Variants in RBBP8 observed in about 807,000 individuals in gnomAD.
RBBP8 encodes RB binding protein 8, endonuclease, also known as DNA endonuclease RBBP8.
RBBP8 carries 88 observed loss-of-function variants against 108.3 expected under a neutral mutation model. That is an observed-to-expected ratio of 0.81 (90% CI 0.68 to 0.97). RBBP8 has a LOEUF of 0.97. RBBP8 is among the 50% of genes least tolerant of loss of function. The probability of loss-of-function intolerance (pLI) is 0.00; values close to 1 mark genes in which losing one functional copy is unlikely to be tolerated. For synonymous variants in RBBP8, 332 were observed against 348.2 expected (o/e 0.95, Z 0.52); for missense variants, 1,023 against 1,049.0 (o/e 0.98, Z 0.34).
At chr18:22,965,008 T>A (rs965578) in intron 4 of RBBP8, among the ~76,000 whole-genome samples, 143,148 of 152,062 alleles carry the variant, frequency 0.94, 67,663 homozygotes, top group Non-Finnish European at 0.98. Flanking sequence ...ACATCATTTC[T>A]TTTTAACAGT....
chr18:22,960,627 G>A (rs540047418), intron 4 of RBBP8, among the ~76,000 whole-genome samples: 85 of 152,132 alleles, frequency 5.6e-4, no homozygotes, highest in African/African-American at 1.9e-3. Flanking sequence ...TGACAGTCTC[G>A]TTCAGTCATC....
rs541597721 is a variant in RBBP8 at position 22,948,989 on chromosome 18, A to G, written c.153-629A>G. Among the ~76,000 whole-genome samples the G allele has an allele frequency of 2.0e-5, 3 of 152,266 alleles. No individual in the cohort carries two copies. In the South Asian group the frequency reaches 6.2e-4, roughly 32 times the overall value. The stretch of plus-strand genomic sequence containing the variant: ...GTTTTTTTTCTCACTATAAAGTCAT[A>G]ATGGTAAACACTTAACATAAAGCCT... On this transcript the variant is annotated intron_variant, in intron 3 of 18. Transcript: ENST00000327155.
At chr18:22,988,709 G>A (rs1174600863) in intron 8 of RBBP8, among the ~76,000 whole-genome samples, 4 of 152,046 alleles carry the variant, frequency 2.6e-5, no homozygotes, top group Non-Finnish European at 4.4e-5. Flanking sequence ...CTACTGCTTA[G>A]CACAATACCT....
intron 8 of RBBP8, among the ~76,000 whole-genome samples, chr18:22,985,313 T>C (rs1236800607): frequency 6.6e-6 from 1 of 152,216 alleles, no homozygotes; most frequent in Non-Finnish European, 1.5e-5. Flanking sequence ...ATGGAGCTTA[T>C]GATCTAGTTG....
intron 6 of RBBP8, among the ~76,000 whole-genome samples, chr18:22,981,712 C>T (rs6507420): frequency 0.015 from 2,315 of 152,328 alleles, 57 homozygotes; most frequent in African/African-American, 0.052. Context: ...GCAGACAGAG[C>T]GGCTTGCCTG....
chr18:22,948,092 T>C (rs1911723315), intron 3 of RBBP8, among the ~76,000 whole-genome samples: 1 of 152,136 alleles, frequency 6.6e-6, no homozygotes, highest in Non-Finnish European at 1.5e-5. Context: ...AAATCTTCAA[T>C]GTGTGTGTAA....
chr18:22,929,339 A>G (rs1567939491), upstream of RBBP8: 1 of 151,170 alleles, frequency 6.6e-6, no homozygotes, highest in Non-Finnish European at 1.5e-5. Context: ...AATATACTGT[A>G]ATGGAGAACA....
At chr18:22,958,218 T>A (rs1290122792) in intron 4 of RBBP8, among the ~76,000 whole-genome samples, 1 of 152,240 alleles carries the variant, frequency 6.6e-6, no homozygotes, top group East Asian at 1.9e-4. Flanking sequence ...ATTCTAGAAG[T>A]TGGAAAATAG....
At chr18:22,960,739 A>G (rs763657069) in intron 4 of RBBP8, among the ~76,000 whole-genome samples, 1 of 152,214 alleles carries the variant, frequency 6.6e-6, no homozygotes, top group Non-Finnish European at 1.5e-5. Flanking sequence ...TGCCTGGCCT[A>G]TAAAAATTTT....
chr18:23,013,705 C>T (rs920534310), intron 16 of RBBP8, among the ~76,000 whole-genome samples: 1 of 152,134 alleles, frequency 6.6e-6, no homozygotes, highest in Non-Finnish European at 1.5e-5. Flanking sequence ...AACCTCGTGG[C>T]TAATTTGTTA....
intron 15 of RBBP8, among the ~76,000 whole-genome samples, chr18:23,003,133 A>G (rs1045377214): frequency 6.6e-6 from 1 of 152,042 alleles, no homozygotes; most frequent in African/African-American, 2.4e-5. Flanking sequence ...TCTTCCTCAC[A>G]ACTTTTCTCT....
At chr18:23,014,547 T>C (rs529287929) in intron 16 of RBBP8, among the ~76,000 whole-genome samples, 3 of 152,260 alleles carry the variant, frequency 2.0e-5, no homozygotes, top group African/African-American at 7.2e-5. Context: ...GGCAGGGGGA[T>C]TACTTGAGCC....
rs528790423 is a variant in RBBP8, at chr18:23,006,483, C to T, written c.2357+51C>T. 3 of 1,385,994 alleles carry T rather than the reference C, an allele frequency of 2.2e-6. No homozygotes were observed. In the African/African-American group the frequency reaches 4.3e-5, roughly 20 times the overall value. 85.9% of individuals were successfully genotyped at this position (1,385,994 alleles called of 1,614,324 possible). The stretch of plus-strand genomic sequence containing the variant: ...CAATGTGACTGGAAGTACAATAGAG[C>T]TGTCTTTTATTTCTCTCTCTTTTTT... On this transcript the variant is annotated intron_variant, in intron 16 of 18. Transcript: ENST00000327155.
At chr18:22,968,954 G>A (rs370730865) in intron 5 of RBBP8, 36 bp downstream of exon 5, 17 of 1,468,934 alleles carry the variant, frequency 1.2e-5, no homozygotes, top group African/African-American at 5.7e-5. Flanking sequence ...TTTAAAGTAT[G>A]TAATGTATTA....
In RBBP8 at chr18:22,982,252, T is replaced by A. The variant is rs1226433628; in HGVS notation, c.463T>A (p.Cys155Ser). 5.6e-6 allele frequency: 9 copies of A among 1,614,030 alleles called. No individual in the cohort carries two copies. The highest frequency in any genetic ancestry group is 7.6e-6 in the Non-Finnish European group (9 of 1,179,988). The change falls in exon 7 of 19, where the codon TGT (cysteine) becomes AGT (serine). Residue 155 changes from cysteine (C) to serine (S), a missense_variant. By Grantham distance (112) the Cys-to-Ser change is moderately radical. Coordinates refer to ENST00000327155, the MANE Select transcript of RBBP8 (RefSeq NM_002894.3). ...DQQHQAAELE[C>S]EEDVIPDSPI... ...ACAGCATCAAGCAGCTGAGCTTGAATGTGAGGAAGACGTTATTCCAGATTC... is the reference window on the plus strand; with the variant it reads ...ACAGCATCAAGCAGCTGAGCTTGAAAGTGAGGAAGACGTTATTCCAGATTC...
chr18:22,916,156 T>A (rs1244650319), intron 2 of RBBP8, among the ~76,000 whole-genome samples: 1 of 152,106 alleles, frequency 6.6e-6, no homozygotes, highest in Non-Finnish European at 1.5e-5. Flanking sequence ...CATTTAAAAT[T>A]TTTTTACTCT....
intron 4 of RBBP8, among the ~76,000 whole-genome samples, chr18:22,966,876 G>A: frequency 6.6e-6 from 1 of 151,802 alleles, no homozygotes; most frequent in East Asian, 1.9e-4. Context: ...ACAAGCATGA[G>A]CCACCACATC....
intron 2 of RBBP8, chr18:22,916,833 T>TTATTTTCTTAGTCTGTTTTCTTA (rs1909381509): frequency 6.6e-6 from 1 of 152,206 alleles, no homozygotes; most frequent in Non-Finnish European, 1.5e-5. Context: ...CTGTCTCAAC[T>TTATTTTCTTAGTCTGTTTTCTTA]GTCTATTTTC....
upstream of RBBP8, chr18:22,929,507 TGTG>T (rs60946457): frequency 9.7e-5 from 6 of 61,932 alleles, no homozygotes; most frequent in African/African-American, 3.1e-4. Flanking sequence ...TGTGTGTGTG[TGTG>T]AAGAGACAGG....
Sources: gnomAD v4.1 joint callset for allele counts (sites outside exome capture counted in the v4.1 genomes callset) on GRCh38, gnomAD v4.1.1 for gene constraint, MANE v1.5 for transcripts, NCBI Gene and HGNC (gene_info 2026-07-23, HGNC 2026-07-21) for gene names.